RNF175: variants seen among roughly 807,000 people sequenced by gnomAD.
RNF175 encodes ring finger protein 175.
RNF175 carries 38 observed loss-of-function variants against 50.0 expected under a neutral mutation model. The observed-to-expected ratio is 0.76, with a 90% CI of 0.59 to 1.00. The LOEUF (loss-of-function observed/expected upper bound fraction) is 1.00, where lower values mean the gene tolerates loss of function less well. Among genes scored for constraint, RNF175 ranks in the 50% least tolerant of loss-of-function variants. RNF175 has a pLI of 0.00. For synonymous variants in RNF175, 155 were observed against 146.1 expected, an observed-to-expected ratio of 1.06 and a Z score of -0.44; for missense variants, 388 against 409.6, an observed-to-expected ratio of 0.95 and a Z score of 0.46.
intron 4 of RNF175, among the ~76,000 whole-genome samples, chr4:153,726,188 C>A (rs1431443853): frequency 6.6e-6 from 1 of 152,062 alleles, no homozygotes; most frequent in Admixed American, 6.6e-5. Flanking sequence ...TCACTGCAAC[C>A]TTTGCCTCTG....
chr4:153,751,413 C>A, intron 2 of RNF175, 25 bp downstream of exon 2: 1 of 1,473,392 alleles, frequency 6.8e-7, no homozygotes, highest in South Asian at 1.3e-5. Context: ...AGCAAAACAA[C>A]TCTTAAAAAA....
chr4:153,740,165 C>CG (rs1739572155), intron 3 of RNF175, among the ~76,000 whole-genome samples: 2 of 127,596 alleles, frequency 1.6e-5, no homozygotes, highest in Admixed American at 1.5e-4. Context: ...TTTCTGGTAC[C>CG]ATTTTTTTTT....
chr4:153,715,636 T>A lies in RNF175; in HGVS notation c.657A>T (p.Thr219=). 1 of 1,613,916 alleles carries A rather than the reference T, an allele frequency of 6.2e-7. No homozygotes were observed. The highest frequency in any genetic ancestry group is 8.5e-7 in the Non-Finnish European group (1 of 1,179,870). Residue 219 remains threonine (T), a synonymous_variant, in exon 7 of 9, where the codon ACA becomes ACT. Coordinates refer to ENST00000347063, the MANE Select transcript of RNF175 (RefSeq NM_173662.4). ...IGFYSVSRLP[T]RSLSDNICAV... ...CACAGATATTGTCCGATAAGCTCCT[T>A]GTAGGCAACCGGCTGACACTGTAGA...
rs773044682 is a variant in RNF175, at chr4:153,715,404, A to G, written c.764+125T>C. The G allele has an allele frequency of 4.5e-6, 4 of 885,242 alleles. No individual in the cohort carries two copies. The South Asian group carries it at 5.7e-5, about 13-fold the overall frequency. 54.8% of individuals were successfully genotyped at this position (885,242 alleles called of 1,614,324 possible). ...GGAAGACTCGACTGGGCTGGAGGATAAAGGACTGGGGTTTGGGCATGGAAG... is the reference window on the plus strand; with the variant it reads ...GGAAGACTCGACTGGGCTGGAGGATGAAGGACTGGGGTTTGGGCATGGAAG... On this transcript the variant is annotated intron_variant, in intron 7 of 8. Coordinates refer to ENST00000347063, the MANE Select transcript of RNF175 (RefSeq NM_173662.4).
intron 1 of RNF175, among the ~76,000 whole-genome samples, chr4:153,759,068 A>G (rs560418577): frequency 4.1e-4 from 63 of 152,264 alleles, no homozygotes; most frequent in Admixed American, 2.2e-3. Flanking sequence ...CGTTTTACGG[A>G]TGGGATTTGG....
At chr4:153,744,093 A>G (rs142384333) in intron 3 of RNF175, among the ~76,000 whole-genome samples, 1 of 152,254 alleles carries the variant, frequency 6.6e-6, no homozygotes, top group Non-Finnish European at 1.5e-5. Context: ...CAAATATAGG[A>G]CAAGGATGGT....
intron 7 of RNF175, chr4:153,713,489 T>G (rs1259628447): frequency 6.6e-6 from 1 of 152,234 alleles, no homozygotes; most frequent in East Asian, 1.9e-4. Flanking sequence ...TGAACTATAA[T>G]GAAATCCATC....
At chr4:153,753,698 C>T (rs1330761670) in intron 1 of RNF175, among the ~76,000 whole-genome samples, 2 of 151,722 alleles carry the variant, frequency 1.3e-5, no homozygotes, top group African/African-American at 4.8e-5. Flanking sequence ...GCTGGGACTA[C>T]AGGCACTCGC....
chr4:153,719,939 G>T (rs981183726), intron 6 of RNF175, among the ~76,000 whole-genome samples: 3 of 152,198 alleles, frequency 2.0e-5, no homozygotes, highest in Non-Finnish European at 4.4e-5. Context: ...TTTAAAAGAT[G>T]CCTTATTGCA....
rs377250822 is a variant in RNF175, at chr4:153,751,513, C to T, written c.67-38G>A. On this transcript the variant is annotated intron_variant, in intron 1 of 8. Transcript: ENST00000347063. ...AAAAGGGCCCTTATCAAAAAATGTCCTTATTTTCTTGGTTTTTCTGTGAAA... is the reference window on the plus strand; with the variant it reads ...AAAAGGGCCCTTATCAAAAAATGTCTTTATTTTCTTGGTTTTTCTGTGAAA... The T allele has an allele frequency of 3.4e-5, 51 of 1,502,990 alleles. No homozygotes were observed. In the African/African-American group the frequency reaches 7.0e-4, roughly 21 times the overall value. The allele number at this position is 1,502,990 out of a possible 1,614,324, so 93.1% of individuals were successfully genotyped here.
At chr4:153,734,188 T>G (rs540714910) in intron 3 of RNF175, among the ~76,000 whole-genome samples, 117 of 152,340 alleles carry the variant, frequency 7.7e-4, no homozygotes, top group African/African-American at 2.8e-3. Context: ...TTTGTGTGAA[T>G]GTAGGTTTTC....
intron 3 of RNF175, 71 bp from the exon 4 acceptor site, chr4:153,728,432 A>T: frequency 2.3e-6 from 3 of 1,308,474 alleles, no homozygotes; most frequent in Non-Finnish European, 2.2e-6. Flanking sequence ...CTATTAAATG[A>T]GTCTGAAGCA....
chr4:153,732,926 C>A (rs1171076914), intron 3 of RNF175, among the ~76,000 whole-genome samples: 1 of 152,172 alleles, frequency 6.6e-6, no homozygotes, highest in African/African-American at 2.4e-5. Flanking sequence ...TTGAAAACAT[C>A]CAGGTATTTA....
intron 3 of RNF175, among the ~76,000 whole-genome samples, chr4:153,731,704 GAAGGA>G (rs1051038288): frequency 5.3e-5 from 8 of 151,396 alleles, no homozygotes; most frequent in Non-Finnish European, 1.0e-4. Flanking sequence ...AGGAAGGAAG[GAAGGA>G]AACAAGGAAA....
chr4:153,759,078 G>C (rs1236947481), intron 1 of RNF175, among the ~76,000 whole-genome samples: 2 of 152,128 alleles, frequency 1.3e-5, no homozygotes, highest in Non-Finnish European at 2.9e-5. Flanking sequence ...ATGGGATTTG[G>C]GTTCCTCCAG....
chr4:153,757,231 TAC>T (rs1740610777), intron 1 of RNF175, among the ~76,000 whole-genome samples: 1 of 152,214 alleles, frequency 6.6e-6, no homozygotes, highest in Non-Finnish European at 1.5e-5. Context: ...TGAACATTGT[TAC>T]CAGACTGCAT....
At position 153,748,672 on chromosome 4, in the gene RNF175, C is replaced by G. The variant is rs771987548; in HGVS notation, c.219G>C (p.Trp73Cys). 6.2e-7 allele frequency: 1 copy of G among 1,601,170 alleles called. No individual in the cohort carries two copies. The highest frequency in any genetic ancestry group is 8.5e-7 in the Non-Finnish European group (1 of 1,174,072). Reference protein sequence around the residue: ...LVIAQIVLVQWRQRHGRSYNL... With the variant: ...LVIAQIVLVQCRQRHGRSYNL... ...TGTAGGATCGGCCATGCCTCTGTCT[C>G]CACTGAACCAGCACTATCTGGGCAA... Residue 73 changes from tryptophan (W) to cysteine (C), a missense_variant, in exon 3 of 9, where the codon TGG becomes TGC. By Grantham distance (215) the Trp-to-Cys change is radical (BLOSUM62 -2). Coordinates refer to ENST00000347063, the MANE Select transcript of RNF175 (RefSeq NM_173662.4).
At chr4:153,748,473 C>T in intron 3 of RNF175, 172 bp downstream of exon 3, 2 of 542,504 alleles carry the variant, frequency 3.7e-6, no homozygotes, top group South Asian at 3.6e-5. Flanking sequence ...AAAAATGTTT[C>T]CAGACATTGC....
At chr4:153,748,811 C>A (rs1378354170) in intron 2 of RNF175, 25 bp from the exon 3 acceptor site, 1 of 1,596,598 alleles carries the variant, frequency 6.3e-7, no homozygotes, top group Non-Finnish European at 8.5e-7. Context: ...ATGAGGTCAT[C>A]TGAAAAAGCC....
Sources: allele counts gnomAD v4.1 joint callset (sites outside exome capture counted in the v4.1 genomes callset), GRCh38; gene constraint gnomAD v4.1.1; transcripts MANE v1.5; gene names NCBI Gene and HGNC (gene_info 2026-07-23, HGNC 2026-07-21).